The following DIMT1 variants were observed in gnomAD, a reference collection of about 807,000 sequenced individuals.
DIMT1 encodes the protein DIM1 rRNA methyltransferase and ribosome maturation factor.
A neutral mutation model predicts 43.2 loss-of-function variants in DIMT1; 36 were observed. The ratio of observed to expected loss-of-function variants is 0.83; its 90% CI spans 0.64 to 1.10. DIMT1 has a LOEUF of 1.10. Among genes scored for constraint, DIMT1 ranks in the 50% least tolerant of loss-of-function variants. The pLI, the probability that DIMT1 is intolerant of heterozygous loss-of-function variation, is 0.00. For missense variants in DIMT1, 341 were observed against 385.3 expected (o/e 0.88, Z 0.96); for synonymous variants, 126 against 130.3 (o/e 0.97, Z 0.22).
intron 10 of DIMT1, 152 bp downstream of exon 10, chr5:62,392,019 A>C: frequency 6.5e-7 from 1 of 1,549,820 alleles, no homozygotes; most frequent in Non-Finnish European, 8.7e-7. Context: ...GTCAGAATTC[A>C]AGTCAAAATT....
At chr5:62,395,604 T>G (rs1268588551) in intron 6 of DIMT1, among the ~76,000 whole-genome samples, 1 of 152,102 alleles carries the variant, frequency 6.6e-6, no homozygotes, top group Non-Finnish European at 1.5e-5. Flanking sequence ...AAAAGAATGG[T>G]CATGACTCAT....
intron 3 of DIMT1, among the ~76,000 whole-genome samples, chr5:62,401,781 C>T (rs1269967040): frequency 6.6e-6 from 1 of 151,682 alleles, no homozygotes; most frequent in Non-Finnish European, 1.5e-5. Context: ...TGGGGTTTCA[C>T]CATATTGCCC....
intron 3 of DIMT1, 64 bp downstream of exon 3, chr5:62,401,972 T>G (rs1662875714): frequency 6.7e-7 from 1 of 1,487,534 alleles, no homozygotes; most frequent in African/African-American, 1.4e-5. Context: ...ATATTTAGAT[T>G]GTAAACCAAC....
At chr5:62,391,948 CAG>C in intron 10 of DIMT1, 1 of 1,536,360 alleles carries the variant, frequency 6.5e-7, no homozygotes. Context: ...AGTTAGAGGA[CAG>C]GGTGGAGTAA....
At position 62,402,108 on chromosome 5, in the gene DIMT1, T is replaced by C. The variant is rs1397362538; in HGVS notation, c.168A>G (p.Pro56=). 1.1e-5 allele frequency: 18 copies of C among 1,613,892 alleles called. No individual in the cohort carries two copies. Among genetic ancestry groups the C allele is most frequent in the Non-Finnish European group, 1.5e-5 (18 of 1,179,932 alleles). The change falls in exon 3 of 12, where the codon CCA becomes CCG. Residue 56 remains proline, a synonymous_variant. Coordinates refer to ENST00000199320, the MANE Select transcript of DIMT1 (RefSeq NM_014473.4). ...GTCCAACTTCCAGCACTACATCAGT[T>C]GGTCTTAAGGCAGCCTAAAAGCAAG... ...NSIIDKAALR[P]TDVVLEVGPG...
chr5:62,391,796 C>A, intron 10 of DIMT1: 2 of 1,401,690 alleles, frequency 1.4e-6, no homozygotes, highest in South Asian at 1.7e-5. Flanking sequence ...GCTATGTGAG[C>A]AAGAAACAAG....
chr5:62,391,069 A>G (rs1184478520), intron 10 of DIMT1, 87 bp from the exon 11 acceptor site: 2 of 1,050,746 alleles, frequency 1.9e-6, no homozygotes, highest in Non-Finnish European at 1.5e-6. Flanking sequence ...AAGTCATAAA[A>G]TAGTCACCTT....
intron 6 of DIMT1, among the ~76,000 whole-genome samples, chr5:62,397,094 T>C (rs1414280923): frequency 6.6e-6 from 1 of 151,976 alleles, no homozygotes; most frequent in Non-Finnish European, 1.5e-5. Context: ...GGATTATAGG[T>C]GCCCACCACA....
chr5:62,395,199 A>G (rs1189793161), intron 6 of DIMT1, among the ~76,000 whole-genome samples: 1 of 151,754 alleles, frequency 6.6e-6, no homozygotes, highest in Non-Finnish European at 1.5e-5. Context: ...CAATTTTTCT[A>G]TTTTTAGTAG....
chr5:62,394,364 A>C, intron 7 of DIMT1, 120 bp downstream of exon 7: 2 of 1,080,052 alleles, frequency 1.9e-6, no homozygotes, highest in Non-Finnish European at 2.7e-6. Context: ...GCTACTCGGG[A>C]CTCGAGAAGA....
At chr5:62,394,230 G>A (rs988295649) in intron 7 of DIMT1, among the ~76,000 whole-genome samples, 183 bp from the exon 8 acceptor site, 3 of 152,192 alleles carry the variant, frequency 2.0e-5, no homozygotes, top group African/African-American at 7.2e-5. Flanking sequence ...ACTTTGGGAG[G>A]CCAAGGCAGA....
At chr5:62,396,397 A>G (rs1446148163) in intron 6 of DIMT1, among the ~76,000 whole-genome samples, 1 of 151,948 alleles carries the variant, frequency 6.6e-6, no homozygotes, top group Non-Finnish European at 1.5e-5. Context: ...AATCGCAGCT[A>G]CTTGGGAGGC....
At chr5:62,402,974 A>C (rs907315291) in intron 2 of DIMT1, among the ~76,000 whole-genome samples, 1 of 152,236 alleles carries the variant, frequency 6.6e-6, no homozygotes, top group African/African-American at 2.4e-5. Flanking sequence ...ATAAAAACTA[A>C]GTGATCAAAA....
chr5:62,398,427 A>G lies in DIMT1; in HGVS notation c.446+84T>C. 4 of 1,358,970 alleles carry G rather than the reference A, an allele frequency of 2.9e-6. No individual in the cohort carries two copies. The East Asian group carries it at 9.3e-5, about 32-fold the overall frequency. 84.2% of individuals were successfully genotyped at this position (1,358,970 alleles called of 1,614,324 possible). On this transcript the variant is annotated intron_variant, in intron 6 of 11. Coordinates refer to ENST00000199320, the MANE Select transcript of DIMT1 (RefSeq NM_014473.4). ...AAATTCTTCAGTAGTTTTTCAACTG[A>G]CCTGACTCATTTTTGGCTATGTTCA...
rs1451834483 is a variant in DIMT1, at chr5:62,387,562, T to A, written c.*1448A>T. The A allele has an allele frequency of 6.6e-6, 1 of 152,104 alleles. No homozygotes were observed. The highest frequency in any genetic ancestry group is 1.5e-5 in the Non-Finnish European group (1 of 68,018). The allele number at this position is 152,104 out of a possible 1,614,324, so 9.4% of individuals were successfully genotyped here. On this transcript the variant is annotated 3_prime_UTR_variant, in exon 12 of 12. Coordinates refer to ENST00000199320, the MANE Select transcript of DIMT1 (RefSeq NM_014473.4). ...ACCAGAAAAGATACTGGAGGTAATA[T>A]AATACAGTCCTTCAGCTTTACAGAT... is the stretch of plus-strand genomic sequence containing the variant.
intron 3 of DIMT1, among the ~76,000 whole-genome samples, chr5:62,401,567 A>T (rs1580131816): frequency 3.6e-5 from 5 of 138,724 alleles, no homozygotes; most frequent in Admixed American, 7.3e-5. Flanking sequence ...TCACTGAAAT[A>T]TCTCATATTT....
chr5:62,389,741 T>C (rs1489208911), intron 11 of DIMT1, among the ~76,000 whole-genome samples: 2 of 152,186 alleles, frequency 1.3e-5, no homozygotes, highest in African/African-American at 2.4e-5. Context: ...CTTCCTCTCT[T>C]GAGCTGTTGT....
At position 62,398,687 on chromosome 5, in the gene DIMT1, A is replaced by G. The variant is rs1186478985; in HGVS notation, c.355T>C (p.Leu119=). The G allele has an allele frequency of 1.2e-6, 2 of 1,614,234 alleles. No individual in the cohort carries two copies. The highest frequency in any genetic ancestry group is 2.2e-5 in the South Asian group (2 of 91,090). The change falls in exon 5 of 12, where the codon TTG becomes CTG. Residue 119 remains leucine (L), a synonymous_variant. Coordinates refer to ENST00000199320, the MANE Select transcript of DIMT1 (RefSeq NM_014473.4). ...VLVGDVLKTD[L]PFFDTCVANL... ...GCCACACAAGTATCAAAGAATGGCA[A>G]ATCTGTTTTCAGCACATCACCCACC... is the stretch of plus-strand genomic sequence containing the variant.
Position 62,394,504 on chromosome 5 carries a change from G to T in DIMT1, c.550C>A (p.Arg184Ser). 1 of 1,614,124 alleles carries T rather than the reference G, an allele frequency of 6.2e-7. No homozygotes were observed. Among genetic ancestry groups the T allele is most frequent in the South Asian group, 1.1e-5 (1 of 91,082 alleles). ...CTTACTTTCATTAGATGGTCCACACGTGCCAACAGCTGTGTATTAATTGAG... is the reference window on the plus strand; with the variant it reads ...CTTACTTTCATTAGATGGTCCACACTTGCCAACAGCTGTGTATTAATTGAG... ...RLSINTQLLA[R>S]VDHLMKVGKN... Residue 184 changes from arginine to serine, a missense_variant, in exon 7 of 12, where the codon CGT becomes AGT. By Grantham distance (110) the Arg-to-Ser change is moderately radical. Transcript: ENST00000199320.
Sources: allele counts gnomAD v4.1 joint callset (sites outside exome capture counted in the v4.1 genomes callset), GRCh38; gene constraint gnomAD v4.1.1; transcripts MANE v1.5; gene names NCBI Gene and HGNC (gene_info 2026-07-23, HGNC 2026-07-21).